ENOX1: variants seen among roughly 807,000 people sequenced by gnomAD.
ENOX1 encodes the protein candidate growth-related and time keeping constitutive hydroquinone (NADH) oxidase.
In ENOX1, 42 loss-of-function variants were observed where a neutral mutation model predicts 82.5. The ratio of observed to expected loss-of-function variants is 0.51; its 90% CI spans 0.40 to 0.66. The LOEUF is 0.66. ENOX1 is among the 30% of genes least tolerant of loss of function. The pLI is 0.00. For missense variants in ENOX1, 608 were observed against 811.6 expected (o/e 0.75, Z 3.05); for synonymous variants, 271 against 282.2 (o/e 0.96, Z 0.40).
At chr13:43,416,736 C>G (rs562825791) in intron 3 of ENOX1, among the ~76,000 whole-genome samples, 1 of 149,726 alleles carries the variant, frequency 6.7e-6, no homozygotes, top group African/African-American at 2.5e-5. Flanking sequence ...ACAGGGCGGC[C>G]GGGCAGAGGG....
intron 7 of ENOX1, among the ~76,000 whole-genome samples, chr13:43,358,570 T>C (rs1566596414): frequency 6.6e-6 from 1 of 152,136 alleles, no homozygotes. Flanking sequence ...GAAAAATCCG[T>C]CCTTCTTTAT....
chr13:43,552,131 GA>G, intron 2 of ENOX1, among the ~76,000 whole-genome samples: 1 of 151,146 alleles, frequency 6.6e-6, no homozygotes, highest in East Asian at 1.9e-4. Flanking sequence ...CCTGACTTAA[GA>G]AAAAAAATGC....
At chr13:43,656,600 T>C (rs2084443268) in intron 2 of ENOX1, among the ~76,000 whole-genome samples, 1 of 152,164 alleles carries the variant, frequency 6.6e-6, no homozygotes, top group Non-Finnish European at 1.5e-5. Flanking sequence ...TGGCTAAAAG[T>C]ATAAACCTTT....
intron 2 of ENOX1, among the ~76,000 whole-genome samples, chr13:43,616,112 CTATAGATCTAT>C (rs2082412160): frequency 2.0e-5 from 1 of 50,108 alleles, no homozygotes; most frequent in Non-Finnish European, 4.7e-5. Context: ...AGATAGATAT[CTATAGATCTAT>C]AGATATCTAT....
chr13:43,268,603 G>C (rs2044512799), intron 13 of ENOX1, among the ~76,000 whole-genome samples: 1 of 151,868 alleles, frequency 6.6e-6, no homozygotes, highest in African/African-American at 2.4e-5. Context: ...AAGTGACACA[G>C]AGCTGACTTT....
At chr13:43,392,091 A>C (rs865841928) in intron 5 of ENOX1, among the ~76,000 whole-genome samples, 2 of 113,886 alleles carry the variant, frequency 1.8e-5, no homozygotes, top group Non-Finnish European at 4.8e-5. Context: ...GCTCCTTCTC[A>C]TACCTCAGAA....
chr13:43,361,466 A>G lies in ENOX1; in HGVS notation c.209-14T>C. On this transcript the variant is annotated splice_polypyrimidine_tract_variant and intron_variant, in intron 5 of 16. Transcript: ENST00000690772. The stretch of plus-strand genomic sequence containing the variant: ...CACAGATTGAGTCTGTAAAGTATAC[A>G]AGATAACATTTTGACTGGAGATTAA... The G allele has an allele frequency of 6.3e-7, 1 of 1,586,806 alleles. No homozygotes were observed. The highest frequency in any genetic ancestry group is 8.5e-7 in the Non-Finnish European group (1 of 1,172,986).
At chr13:43,749,488 C>G (rs1198704581) in intron 1 of ENOX1, among the ~76,000 whole-genome samples, 2 of 152,208 alleles carry the variant, frequency 1.3e-5, no homozygotes, top group Non-Finnish European at 2.9e-5. Flanking sequence ...CTGGAGCTCA[C>G]CTTGGAGAAG....
rs138242208 is a variant in ENOX1 at position 43,327,563 on chromosome 13, C to T, written c.1037-1038G>A. 1.8e-4 allele frequency among the ~76,000 whole-genome samples: 28 copies of T among 152,232 alleles called. No homozygotes were observed. In the East Asian group the frequency reaches 5.4e-3, roughly 29 times the overall value. On this transcript the variant is annotated intron_variant, in intron 9 of 16. Transcript: ENST00000690772. Reference sequence around the variant, plus strand: ...CACTAAATTAATCATATGATTAAACCTGAACTTCTAAATTTTTAGTTAAGA... The same window carrying T: ...CACTAAATTAATCATATGATTAAACTTGAACTTCTAAATTTTTAGTTAAGA...
intron 1 of ENOX1, among the ~76,000 whole-genome samples, chr13:43,775,637 A>C (rs937543297): frequency 1.3e-5 from 2 of 152,178 alleles, no homozygotes; most frequent in Admixed American, 1.3e-4. Flanking sequence ...TGCCCTTTTG[A>C]ACATCTTAGA....
At chr13:43,500,148 G>A (rs1486278613) in intron 2 of ENOX1, among the ~76,000 whole-genome samples, 1 of 152,056 alleles carries the variant, frequency 6.6e-6, no homozygotes, top group Non-Finnish European at 1.5e-5. Flanking sequence ...TGCATTATGG[G>A]ACACTCAGAA....
chr13:43,244,089 G>GA (rs1423488319), intron 14 of ENOX1, among the ~76,000 whole-genome samples: 1 of 151,022 alleles, frequency 6.6e-6, no homozygotes, highest in Non-Finnish European at 1.5e-5. Context: ...AAGTGAGGCA[G>GA]AATGGCCGAA....
Position 43,247,842 on chromosome 13 carries a change from TATATATATATATATATATATATATATA to T in ENOX1, c.1612-11131_1612-11105del, listed in dbSNP as rs2043165171. ...CACAGATGCAACATATATATATATA[TATATATATATATATATATATATATATA>T]TATATATATATATATTTTTTTTTTT... On this transcript the variant is annotated intron_variant, in intron 14 of 16. Transcript: ENST00000690772. Among the ~76,000 whole-genome samples, 3 of 1,510 alleles carry T rather than the reference TATATATATATATATATATATATATATA, an allele frequency of 2.0e-3. No individual in the cohort carries two copies. In the East Asian group the frequency reaches 0.054, roughly 27 times the overall value. 1.0% of individuals were successfully genotyped at this position (1,510 alleles called of 152,430 possible).
chr13:43,638,583 C>A (rs552666783), intron 2 of ENOX1, among the ~76,000 whole-genome samples: 32 of 152,190 alleles, frequency 2.1e-4, no homozygotes, highest in African/African-American at 6.3e-4. Context: ...GTAACAGAAC[C>A]AAACAGCTGG....
At chr13:43,707,351 TC>T (rs2087365028) in intron 1 of ENOX1, among the ~76,000 whole-genome samples, 1 of 152,098 alleles carries the variant, frequency 6.6e-6, no homozygotes, top group African/African-American at 2.4e-5. Flanking sequence ...TTCAATGCCA[TC>T]CCAATGAAAA....
chr13:43,460,545 A>C (rs1312363005), intron 3 of ENOX1, among the ~76,000 whole-genome samples: 1 of 152,112 alleles, frequency 6.6e-6, no homozygotes, highest in Admixed American at 6.6e-5. Flanking sequence ...TCACGCCTGT[A>C]ATCCTAGCAC....
At chr13:43,412,395 T>C (rs190502401) in intron 4 of ENOX1, among the ~76,000 whole-genome samples, 49 of 152,312 alleles carry the variant, frequency 3.2e-4, no homozygotes, top group Non-Finnish European at 6.3e-4. Flanking sequence ...ACTCTCTTGG[T>C]AAAACAAGTT....
chr13:43,717,410 T>A (rs1218243508), intron 1 of ENOX1, among the ~76,000 whole-genome samples: 1 of 152,184 alleles, frequency 6.6e-6, no homozygotes, highest in Non-Finnish European at 1.5e-5. Context: ...ATTAAAGATT[T>A]AAATTTAAGA....
chr13:43,508,301 C>G lies in ENOX1; in HGVS notation c.-218-24149G>C, dbSNP rs1171548418. ...ATTTTCTTCTTTTGCTCTTCCTCCT[C>G]TTCTATGTGAGGATGCTTCCATGAA... On this transcript the variant is annotated intron_variant, in intron 2 of 16. Transcript: ENST00000690772. Among the ~76,000 whole-genome samples the G allele has an allele frequency of 2.6e-5, 4 of 151,948 alleles. No individual in the cohort carries two copies. The East Asian group carries it at 7.8e-4, about 30-fold the overall frequency.
Sources: allele counts gnomAD v4.1 joint callset (sites outside exome capture counted in the v4.1 genomes callset), GRCh38; gene constraint gnomAD v4.1.1; transcripts MANE v1.5; gene names NCBI Gene and HGNC (gene_info 2026-07-23, HGNC 2026-07-21).